Variants in SNX29 observed in about 807,000 individuals in gnomAD.
SNX29 encodes the protein sorting nexin 29.
SNX29 carries 78 observed loss-of-function variants against 102.1 expected under a neutral mutation model. That is an observed-to-expected ratio of 0.76 (90% CI 0.64 to 0.92). SNX29 has a LOEUF of 0.92. Among genes scored for constraint, SNX29 ranks in the 40% least tolerant of loss-of-function variants. The pLI is 0.00. For missense variants in SNX29, 1,280 were observed against 1,061.7 expected (o/e 1.21, Z -2.86); for synonymous variants, 580 against 414.5 (o/e 1.40, Z -4.85).
intron 13 of SNX29, among the ~76,000 whole-genome samples, chr16:12,190,846 T>C (rs1196012843): frequency 6.6e-6 from 1 of 152,112 alleles, no homozygotes; most frequent in East Asian, 1.9e-4. Flanking sequence ...GGGAGGAGCC[T>C]TTCCAAGATG....
chr16:12,063,926 A>C (rs1238613469), intron 9 of SNX29, among the ~76,000 whole-genome samples: 1 of 152,000 alleles, frequency 6.6e-6, no homozygotes, highest in Non-Finnish European at 1.5e-5. Flanking sequence ...ATGCCTGTTC[A>C]GCGGCAGTGT....
rs1491378112 is a variant in SNX29 at position 12,302,559 on chromosome 16, CAG to C, written c.1782+24524_1782+24525del. On this transcript the variant is annotated intron_variant, in intron 15 of 20. Transcript: ENST00000566228. ...GCCATGTTCTCACATCGTGGAAGGA[CAG>C]GGGGTCTCTGGGGCCTTTTTTATAA... is the stretch of plus-strand genomic sequence containing the variant. 2.8e-5 allele frequency among the ~76,000 whole-genome samples: 4 copies of C among 143,814 alleles called. No homozygotes were observed. In the East Asian group the frequency reaches 5.8e-4, roughly 21 times the overall value. 94.3% of individuals were successfully genotyped at this position (143,814 alleles called of 152,430 possible). A position where few individuals can be genotyped will look rare whatever the true frequency, so the allele number is the denominator to read the frequency against.
At chr16:12,565,129 A>G (rs548246131) in intron 20 of SNX29, among the ~76,000 whole-genome samples, 62 of 137,606 alleles carry the variant, frequency 4.5e-4, no homozygotes, top group Non-Finnish European at 8.5e-4. Context: ...TCTTATCCAC[A>G]TTAGCCCCCA....
At chr16:12,064,121 T>C (rs1038796860) in intron 9 of SNX29, among the ~76,000 whole-genome samples, 1 of 152,182 alleles carries the variant, frequency 6.6e-6, no homozygotes, top group Non-Finnish European at 1.5e-5. Flanking sequence ...TGAATTATTG[T>C]GGAACCGTGA....
At chr16:12,180,540 G>C (rs1008401090) in intron 13 of SNX29, among the ~76,000 whole-genome samples, 26 of 151,816 alleles carry the variant, frequency 1.7e-4, no homozygotes, top group African/African-American at 5.8e-4. Context: ...CTGGAGTGCA[G>C]TGGCGCGATC....
At chr16:12,193,463 C>A (rs2076695131) in intron 13 of SNX29, among the ~76,000 whole-genome samples, 1 of 82,468 alleles carries the variant, frequency 1.2e-5, no homozygotes, top group Admixed American at 1.9e-4. Flanking sequence ...GAGTGAAACT[C>A]CATCTTCAAA....
At chr16:12,560,585 T>C (rs902075703) in intron 20 of SNX29, among the ~76,000 whole-genome samples, 2 of 152,228 alleles carry the variant, frequency 1.3e-5, no homozygotes, top group Non-Finnish European at 2.9e-5. Flanking sequence ...TCTGTCCATC[T>C]GTACCTCTCA....
chr16:12,063,565 GATGGCGTTTCGCC>G (rs2050883440), intron 9 of SNX29, among the ~76,000 whole-genome samples: 1 of 151,840 alleles, frequency 6.6e-6, no homozygotes, highest in African/African-American at 2.4e-5. Flanking sequence ...TTTTAGTAGA[GATGGCGTTTCGCC>G]ATGTTGGCCA....
rs564714978 is a variant in SNX29, at chr16:12,126,557, A to G, written c.1403-76A>G. 1.3e-4 allele frequency: 188 copies of G among 1,458,826 alleles called. 3 individuals carry two copies. In the South Asian group the frequency reaches 2.1e-3, roughly 17 times the overall value. 90.4% of individuals were successfully genotyped at this position (1,458,826 alleles called of 1,614,324 possible). A position where few individuals can be genotyped will look rare whatever the true frequency, so the allele number is the denominator to read the frequency against. On this transcript the variant is annotated intron_variant, in intron 11 of 20. Transcript: ENST00000566228. ...CTAGACAAGTCATCCTTAATAGCAT[A>G]TAATCCAGAGAGGTGAGGGCATGCT... is the stretch of plus-strand genomic sequence containing the variant.
chr16:12,110,726 A>G (rs2053469290), intron 11 of SNX29, among the ~76,000 whole-genome samples: 1 of 152,102 alleles, frequency 6.6e-6, no homozygotes, highest in Non-Finnish European at 1.5e-5. Flanking sequence ...TGTATCATCC[A>G]GTTTTCTGTT....
intron 15 of SNX29, among the ~76,000 whole-genome samples, chr16:12,307,426 A>C (rs918167127): frequency 6.6e-6 from 1 of 152,216 alleles, no homozygotes; most frequent in Non-Finnish European, 1.5e-5. Context: ...CACTAACATC[A>C]TGAGGACAGT....
chr16:12,182,198 T>G (rs1420867161), intron 13 of SNX29, among the ~76,000 whole-genome samples: 1 of 151,250 alleles, frequency 6.6e-6, no homozygotes, highest in African/African-American at 2.4e-5. Flanking sequence ...AGTTTTTTTT[T>G]TTTTTTTTTT....
chr16:12,511,144 G>A (rs1223642883), intron 19 of SNX29, among the ~76,000 whole-genome samples: 1 of 152,148 alleles, frequency 6.6e-6, no homozygotes, highest in Admixed American at 6.5e-5. Context: ...TTGGAACTCT[G>A]GTATTTTGGT....
In SNX29 at chr16:12,356,284, G is replaced by C. The variant is rs527434970; in HGVS notation, c.1899+5G>C. The C allele has an allele frequency of 1.3e-6, 2 of 1,591,680 alleles. No individual in the cohort carries two copies. The highest frequency in any genetic ancestry group is 2.3e-5 in the South Asian group (2 of 87,248). On this transcript the variant is annotated splice_donor_5th_base_variant and intron_variant, in intron 16 of 20. Transcript: ENST00000566228. ...CTCATCGATCTCCGGGGACCGGTGA[G>C]TGTTTCCCCAACCCTGTGTGTCTGT...
chr16:12,282,549 C>G (rs563992961), intron 15 of SNX29, among the ~76,000 whole-genome samples: 1 of 152,294 alleles, frequency 6.6e-6, no homozygotes, highest in African/African-American at 2.4e-5. Flanking sequence ...GAAGGCCAGC[C>G]TGTTGAGTGG....
At position 12,039,885 on chromosome 16, in the gene SNX29, C is replaced by T. The variant is rs993362295; in HGVS notation, c.248-3012C>T. ...ACCTTGTCTTTCACATGGCGATGGC[C>T]TTGGTTGTGATGATGTCAGATGTAA... On this transcript the variant is annotated intron_variant, in intron 4 of 20. Coordinates refer to ENST00000566228, the MANE Select transcript of SNX29 (RefSeq NM_032167.5). Among the ~76,000 whole-genome samples the T allele has an allele frequency of 7.9e-5, 12 of 152,122 alleles. 1 individual carries two copies. The highest frequency in any genetic ancestry group is 7.9e-4 in the Admixed American group (12 of 15,260).
intron 13 of SNX29, among the ~76,000 whole-genome samples, chr16:12,158,500 G>A (rs940494789): frequency 7.9e-5 from 12 of 152,132 alleles, no homozygotes; most frequent in African/African-American, 2.7e-4. Flanking sequence ...GCACCCAGCC[G>A]GTTTTAATTG....
At chr16:12,323,048 G>GTGGT (rs2151182657) in intron 15 of SNX29, among the ~76,000 whole-genome samples, 1 of 101,834 alleles carries the variant, frequency 9.8e-6, no homozygotes, top group African/African-American at 4.4e-5. Context: ...CTGTCAGGAT[G>GTGGT]CGGTCACTGG....
chr16:12,262,889 T>C (rs80314621), intron 14 of SNX29, among the ~76,000 whole-genome samples: 3,648 of 152,296 alleles, frequency 0.024, 66 homozygotes, highest in East Asian at 0.12. Context: ...ATCCTGTTCC[T>C]ATTTGCAGTC....
Sources: gnomAD v4.1 joint callset for allele counts (sites outside exome capture counted in the v4.1 genomes callset) on GRCh38, gnomAD v4.1.1 for gene constraint, MANE v1.5 for transcripts, NCBI Gene and HGNC (gene_info 2026-07-23, HGNC 2026-07-21) for gene names.